Variants in SH3PXD2B observed in about 807,000 individuals in gnomAD.
SH3PXD2B encodes SH3 and PX domain-containing protein 2B.
Under a neutral mutation model 73.1 loss-of-function variants are expected in SH3PXD2B, and 37 were observed. The ratio of observed to expected loss-of-function variants is 0.51; its 90% CI spans 0.39 to 0.67. The LOEUF (loss-of-function observed/expected upper bound fraction) is 0.67, where lower values mean the gene tolerates loss of function less well. Ranked by LOEUF, SH3PXD2B falls within the 30% of genes least tolerant of loss-of-function variation. The probability of loss-of-function intolerance (pLI) is 0.00; values close to 1 mark genes in which losing one functional copy is unlikely to be tolerated. For synonymous variants in SH3PXD2B, 457 were observed against 480.5 expected (o/e 0.95, Z 0.64); for missense variants, 1,053 against 1,197.8 (o/e 0.88, Z 1.78).
At chr5:172,347,204 G>A in intron 11 of SH3PXD2B, 79 bp downstream of exon 11, 10 of 1,397,392 alleles carry the variant, frequency 7.2e-6, no homozygotes, top group South Asian at 1.2e-5. Flanking sequence ...GGAAGGGCGA[G>A]GGGTGTGTGA....
In SH3PXD2B at chr5:172,333,819, G is replaced by A. The variant is rs536885953; in HGVS notation, c.*4550C>T. 7 of 1,288,646 alleles carry A rather than the reference G, an allele frequency of 5.4e-6. No homozygotes were observed. Among genetic ancestry groups the A allele is most frequent in the South Asian group, 5.0e-5 (4 of 80,744 alleles). 79.8% of individuals were successfully genotyped at this position (1,288,646 alleles called of 1,614,324 possible). A position where few individuals can be genotyped will look rare whatever the true frequency, so the allele number is the denominator to read the frequency against. ...GTTACTTGGAAGCTCCCCAAAGCAG[G>A]AAATGTGGGTTGTAATCAAGGTGGC... On this transcript the variant is annotated 3_prime_UTR_variant, in exon 13 of 13. Coordinates refer to ENST00000311601, the MANE Select transcript of SH3PXD2B (RefSeq NM_001017995.3).
downstream of SH3PXD2B, among the ~76,000 whole-genome samples, chr5:172,330,648 A>G (rs1232419669): frequency 1.3e-5 from 2 of 152,212 alleles, no homozygotes; most frequent in African/African-American, 4.8e-5. Flanking sequence ...CCAAATTCCT[A>G]TCGACATTTG....
At chr5:172,341,210 A>G (rs1413341717) in intron 12 of SH3PXD2B, among the ~76,000 whole-genome samples, 4 of 152,136 alleles carry the variant, frequency 2.6e-5, no homozygotes, top group African/African-American at 7.2e-5. Context: ...AATACCTCCA[A>G]CTGTGACTGT....
At chr5:172,377,735 T>C (rs1431669657) in intron 5 of SH3PXD2B, among the ~76,000 whole-genome samples, 2 of 152,206 alleles carry the variant, frequency 1.3e-5, no homozygotes, top group Non-Finnish European at 2.9e-5. Flanking sequence ...TACTCCAGCA[T>C]GATGGACGTA....
chr5:172,326,030 G>C (rs1012654478), intron 12 of SH3PXD2B, among the ~76,000 whole-genome samples: 10 of 152,070 alleles, frequency 6.6e-5, no homozygotes, highest in African/African-American at 2.4e-4. Context: ...CAGGTGATCC[G>C]CCTGCCTCAG....
At chr5:172,448,239 C>T (rs894900032) in intron 1 of SH3PXD2B, among the ~76,000 whole-genome samples, 1 of 152,212 alleles carries the variant, frequency 6.6e-6, no homozygotes, top group African/African-American at 2.4e-5. Flanking sequence ...GAAAAGACCA[C>T]GAAAACTGCA....
At position 172,407,179 on chromosome 5, in the gene SH3PXD2B, A is replaced by G. The variant is rs1653443448; in HGVS notation, c.157-827T>C. ...GACTTGCAGCGTTATTTTATGGATT[A>G]AAGCTGGGCTGCGGAAGTCATTAAC... On this transcript the variant is annotated intron_variant, in intron 2 of 12. Transcript: ENST00000311601. 2.0e-5 allele frequency among the ~76,000 whole-genome samples: 3 copies of G among 152,342 alleles called. No individual in the cohort carries two copies. The South Asian group carries it at 6.2e-4, about 32-fold the overall frequency.
chr5:172,416,430 T>C (rs1758821501), intron 2 of SH3PXD2B, among the ~76,000 whole-genome samples: 1 of 151,408 alleles, frequency 6.6e-6, no homozygotes, highest in African/African-American at 2.4e-5. Flanking sequence ...CGGGTTCAAA[T>C]GATTCTCCTG....
At chr5:172,347,189 T>G in intron 11 of SH3PXD2B, 94 bp downstream of exon 11, 1 of 1,274,500 alleles carries the variant, frequency 7.8e-7, no homozygotes, top group Non-Finnish European at 1.1e-6. Flanking sequence ...AAAGAGAGCA[T>G]TTCTGGAAGG....
intron 6 of SH3PXD2B, among the ~76,000 whole-genome samples, chr5:172,368,605 TA>T (rs1325409666): frequency 4.9e-5 from 1 of 20,286 alleles, no homozygotes; most frequent in Non-Finnish European, 6.7e-5. Flanking sequence ...GTTATATATA[TA>T]ATATATATGT....
intron 2 of SH3PXD2B, among the ~76,000 whole-genome samples, chr5:172,418,854 A>G (rs975771288): frequency 3.3e-5 from 5 of 152,174 alleles, no homozygotes; most frequent in Non-Finnish European, 7.3e-5. Context: ...GAAAACCTTA[A>G]GTTCTGGTAG....
At chr5:172,446,930 G>A (rs1759676962) in intron 1 of SH3PXD2B, among the ~76,000 whole-genome samples, 1 of 152,092 alleles carries the variant, frequency 6.6e-6, no homozygotes, top group Non-Finnish European at 1.5e-5. Context: ...TCTAGCTCAC[G>A]GACTGGAAAG....
At chr5:172,404,013 C>A (rs1581312579) in intron 3 of SH3PXD2B, among the ~76,000 whole-genome samples, 1 of 152,224 alleles carries the variant, frequency 6.6e-6, no homozygotes, top group South Asian at 2.1e-4. Context: ...GGAGCGCTGA[C>A]ATTTGGCTGC....
At chr5:172,364,451 G>A (rs2113326551) in intron 6 of SH3PXD2B, among the ~76,000 whole-genome samples, 1 of 152,228 alleles carries the variant, frequency 6.6e-6, no homozygotes, top group African/African-American at 2.4e-5. Flanking sequence ...GATCACCTGA[G>A]GTCAGGAGTT....
intron 1 of SH3PXD2B, among the ~76,000 whole-genome samples, chr5:172,431,215 A>G (rs1581334220): frequency 6.6e-6 from 1 of 152,214 alleles, no homozygotes; most frequent in South Asian, 2.1e-4. Context: ...TGACTGGCTC[A>G]TGGACACCAT....
chr5:172,419,712 C>T (rs529579007), intron 2 of SH3PXD2B, among the ~76,000 whole-genome samples: 3 of 152,276 alleles, frequency 2.0e-5, no homozygotes, highest in African/African-American at 7.2e-5. Flanking sequence ...TCCAACCCCA[C>T]CCCTCTCTTC....
In SH3PXD2B at chr5:172,390,588, T is replaced by G. The variant is rs142689371; in HGVS notation, c.309+3975A>C. Among the ~76,000 whole-genome samples the G allele has an allele frequency of 1.6e-3, 243 of 152,330 alleles. 1 individual carries two copies. The highest frequency in any genetic ancestry group is 5.5e-3 in the African/African-American group (228 of 41,568). On this transcript the variant is annotated intron_variant, in intron 4 of 12. Coordinates refer to ENST00000311601, the MANE Select transcript of SH3PXD2B (RefSeq NM_001017995.3). ...TTGCCAAATAAAAAGATATGTCTAT[T>G]GTATGGATATTACACATTTTGTGTA...
intron 6 of SH3PXD2B, among the ~76,000 whole-genome samples, chr5:172,363,093 A>G (rs1757434671): frequency 6.6e-6 from 1 of 152,200 alleles, no homozygotes; most frequent in African/African-American, 2.4e-5. Flanking sequence ...AGAGTTGATT[A>G]AGATATGGTA....
intron 2 of SH3PXD2B, among the ~76,000 whole-genome samples, chr5:172,419,975 T>C (rs775747202): frequency 2.0e-5 from 3 of 152,190 alleles, no homozygotes; most frequent in Non-Finnish European, 4.4e-5. Flanking sequence ...TCAGCATAAA[T>C]CACCACAGAT....
Sources: allele counts gnomAD v4.1 joint callset (sites outside exome capture counted in the v4.1 genomes callset), GRCh38; gene constraint gnomAD v4.1.1; transcripts MANE v1.5; gene names NCBI Gene and HGNC (gene_info 2026-07-23, HGNC 2026-07-21).